Variants in FHAD1 observed in about 807,000 individuals in gnomAD.
FHAD1 encodes forkhead associated phosphopeptide binding domain 1.
Under a neutral mutation model 191.3 loss-of-function variants are expected in FHAD1, and 146 were observed. The observed-to-expected ratio is 0.76, with a 90% CI of 0.67 to 0.88. The LOEUF is 0.88. FHAD1 is among the 40% of genes least tolerant of loss of function. FHAD1 has a pLI of 0.00. For synonymous variants in FHAD1, 616 were observed against 672.3 expected, an observed-to-expected ratio of 0.92 and a Z score of 1.29; for missense variants, 1,635 against 1,785.8, an observed-to-expected ratio of 0.92 and a Z score of 1.52.
intron 19 of FHAD1, among the ~76,000 whole-genome samples, chr1:15,349,430 G>A (rs1056026102): frequency 2.6e-5 from 4 of 152,188 alleles, no homozygotes; most frequent in African/African-American, 2.4e-5. Flanking sequence ...GAGGGCCCTC[G>A]GGAAGATTTT....
chr1:15,244,030 A>G (rs1156870653), upstream of FHAD1, among the ~76,000 whole-genome samples: 1 of 151,016 alleles, frequency 6.6e-6, no homozygotes, highest in Non-Finnish European at 1.5e-5. This position sits in a 1 kb window ranked among gnomAD's most constrained non-coding sequence, Gnocchi z 5.1. Context: ...GCCAAGAAGC[A>G]CAAGTAATCT....
At chr1:15,394,809 G>A (rs58856011) in intron 33 of FHAD1, among the ~76,000 whole-genome samples, 1 of 152,200 alleles carries the variant, frequency 6.6e-6, no homozygotes, top group Non-Finnish European at 1.5e-5. Context: ...CCAGGTGTAT[G>A]TGCAGCCTGA....
At chr1:15,352,050 T>C (rs1162635133) in intron 19 of FHAD1, among the ~76,000 whole-genome samples, 1 of 152,172 alleles carries the variant, frequency 6.6e-6, no homozygotes, top group Admixed American at 6.5e-5. Flanking sequence ...ACCTGTGCAT[T>C]AAAGAAAATT....
chr1:15,266,594 T>C, intron 2 of FHAD1, among the ~76,000 whole-genome samples: 1 of 152,186 alleles, frequency 6.6e-6, no homozygotes, highest in East Asian at 1.9e-4. Flanking sequence ...TATGTTATTA[T>C]TAACTCAAGC....
chr1:15,397,338 A>G lies in FHAD1; in HGVS notation c.4365A>G (p.Arg1455=). 4 of 1,545,538 alleles carry G rather than the reference A, an allele frequency of 2.6e-6. No individual in the cohort carries two copies. Among genetic ancestry groups the G allele is most frequent in the Non-Finnish European group, 3.5e-6 (4 of 1,142,810 alleles). The change falls in exon 34 of 34, where the codon AGA becomes AGG. Residue 1455 remains arginine, a synonymous_variant. Transcript: ENST00000688493. Reference sequence around the variant, plus strand: ...CCTCCCTAAAGATGGACCAAGAAAGAGAGATGCTGAGGAAAGAGACCTCCA... The same window carrying G: ...CCTCCCTAAAGATGGACCAAGAAAGGGAGATGCTGAGGAAAGAGACCTCCA... ...RKASLKMDQE[R]EMLRKETSSK...
chr1:15,359,897 C>A (rs1423840338), intron 21 of FHAD1, among the ~76,000 whole-genome samples: 4 of 151,968 alleles, frequency 2.6e-5, no homozygotes, highest in African/African-American at 4.8e-5. Flanking sequence ...TTGCAGTGAG[C>A]CGAGATCGCG....
At chr1:15,400,120 T>G (rs1242154626), downstream of FHAD1, 2 of 152,416 alleles carry the variant, frequency 1.3e-5, no homozygotes, top group East Asian at 3.9e-4. Context: ...GCAGCCACCT[T>G]GGGGATCAGC....
intron 14 of FHAD1, among the ~76,000 whole-genome samples, chr1:15,338,139 A>C: frequency 6.8e-6 from 1 of 148,020 alleles, no homozygotes; most frequent in Non-Finnish European, 1.5e-5. Flanking sequence ...CACCCCCACC[A>C]CCCCCACATC....
intron 2 of FHAD1, among the ~76,000 whole-genome samples, chr1:15,269,893 C>G (rs974575754): frequency 1.3e-5 from 2 of 148,414 alleles, no homozygotes; most frequent in African/African-American, 4.9e-5. Flanking sequence ...AGAATTACCC[C>G]TTTACCATTA....
At position 15,317,925 on chromosome 1, in the gene FHAD1, C is replaced by T. The variant is rs1432635496; in HGVS notation, c.1362C>T (p.Ser454=). The part of the protein sequence containing the change: ...SVISRTLREK[S]KVEEKLQEDS... ...TCTCTAGGACTCTGAGAGAAAAAAG[C>T]AAGGTACGTAGTGGACAACAGGCCC... The change falls in exon 10 of 34, where the codon AGC becomes AGT. Residue 454 remains serine (S), a synonymous_variant. Transcript: ENST00000688493. The T allele has an allele frequency of 1.3e-6, 2 of 1,548,564 alleles. No homozygotes were observed. Among genetic ancestry groups the T allele is most frequent in the Admixed American group, 3.9e-5 (2 of 50,988 alleles).
At chr1:15,338,275 G>A (rs185879095) in intron 14 of FHAD1, among the ~76,000 whole-genome samples, 3 of 152,248 alleles carry the variant, frequency 2.0e-5, no homozygotes, top group Non-Finnish European at 4.4e-5. Flanking sequence ...AGTTCCTTCC[G>A]GAGGCTCTAG....
chr1:15,378,308 GA>G (rs1303803582), intron 28 of FHAD1, among the ~76,000 whole-genome samples: 1 of 152,146 alleles, frequency 6.6e-6, no homozygotes, highest in Non-Finnish European at 1.5e-5. Context: ...GAAGAGAAAG[GA>G]AAAGAAAAAT....
intron 6 of FHAD1, among the ~76,000 whole-genome samples, chr1:15,305,196 GC>G (rs1368121771): frequency 1.3e-5 from 2 of 152,214 alleles, no homozygotes; most frequent in Non-Finnish European, 2.9e-5. Flanking sequence ...GGGGAGCCAG[GC>G]ATGGTCTATG....
Position 15,329,666 on chromosome 1 carries a change from G to C in FHAD1, c.1906+125G>C. 1.3e-6 allele frequency: 1 copy of C among 770,514 alleles called. No individual in the cohort carries two copies. Among genetic ancestry groups the C allele is most frequent in the South Asian group, 2.2e-5 (1 of 44,922 alleles). The allele number at this position is 770,514 out of a possible 1,614,324, so 47.7% of individuals were successfully genotyped here. On this transcript the variant is annotated intron_variant, in intron 14 of 33. Transcript: ENST00000688493. The surrounding 1 kb of genome is among the most constrained non-coding windows in gnomAD (Gnocchi z 5.0). ...CTGGCCAAGTCTATTCCCTTCTCCA[G>C]AACCCCCTGCTTCTCTGCTTGAGGC...
At chr1:15,243,294 C>G (rs2100589358), upstream of FHAD1, among the ~76,000 whole-genome samples, 1 of 151,908 alleles carries the variant, frequency 6.6e-6, no homozygotes, top group Admixed American at 6.6e-5. Flanking sequence ...TCTGTACTTT[C>G]TAAGCTTATA....
At chr1:15,308,116 G>A (rs546615202) in intron 6 of FHAD1, among the ~76,000 whole-genome samples, 1 of 152,226 alleles carries the variant, frequency 6.6e-6, no homozygotes, top group African/African-American at 2.4e-5. Flanking sequence ...GGAGCCTTCT[G>A]TGGAGAGGCC....
At chr1:15,271,140 GAAAAAAAAA>G (rs543401814) in intron 2 of FHAD1, among the ~76,000 whole-genome samples, 1 of 76,682 alleles carries the variant, frequency 1.3e-5, no homozygotes, top group Admixed American at 1.6e-4. Context: ...CTCCATCTCG[GAAAAAAAAA>G]AAAAAAAAAA....
At chr1:15,244,438 G>T (rs566683532), upstream of FHAD1, among the ~76,000 whole-genome samples, 1 of 152,160 alleles carries the variant, frequency 6.6e-6, no homozygotes. This position sits in a 1 kb window ranked among gnomAD's most constrained non-coding sequence, Gnocchi z 5.1. Context: ...TTTCACTGGG[G>T]TCTGTCTGAT....
intron 18 of FHAD1, among the ~76,000 whole-genome samples, chr1:15,346,696 T>C (rs1689038860): frequency 1.3e-5 from 2 of 152,252 alleles, no homozygotes; most frequent in African/African-American, 2.4e-5. Flanking sequence ...CTCAGATCCC[T>C]GATCCTTTTT....
Sources: gnomAD v4.1 joint callset for allele counts (sites outside exome capture counted in the v4.1 genomes callset) on GRCh38, gnomAD v4.1.1 for gene constraint, Gnocchi (gnomAD v3.1) non-coding constraint, MANE v1.5 for transcripts, NCBI Gene and HGNC (gene_info 2026-07-23, HGNC 2026-07-21) for gene names.